Variants in LHPP observed in about 807,000 individuals in gnomAD.
LHPP encodes hLHPP.
Under a neutral mutation model 30.3 loss-of-function variants are expected in LHPP, and 24 were observed. The ratio of observed to expected loss-of-function variants is 0.79; its 90% CI spans 0.57 to 1.11. The LOEUF is 1.11. Among genes scored for constraint, LHPP ranks in the 50% most tolerant of loss-of-function variants. LHPP has a pLI of 0.00. For missense variants in LHPP, 356 were observed against 367.2 expected, an observed-to-expected ratio of 0.97 and a Z score of 0.25; for synonymous variants, 150 against 157.1, an observed-to-expected ratio of 0.95 and a Z score of 0.34.
intron 6 of LHPP, among the ~76,000 whole-genome samples, chr10:124,583,242 C>T (rs948454589): frequency 6.6e-6 from 1 of 152,144 alleles, no homozygotes; most frequent in Non-Finnish European, 1.5e-5. Flanking sequence ...TGTAGATTTA[C>T]CCCTGTGTTT....
intron 5 of LHPP, among the ~76,000 whole-genome samples, chr10:124,511,845 C>T (rs1442816938): frequency 6.6e-6 from 1 of 152,176 alleles, no homozygotes; most frequent in Non-Finnish European, 1.5e-5. Context: ...CACAGCATGG[C>T]GTGCCCTGGT....
At chr10:124,575,453 A>G (rs1329677740) in intron 6 of LHPP, among the ~76,000 whole-genome samples, 1 of 152,186 alleles carries the variant, frequency 6.6e-6, no homozygotes, top group African/African-American at 2.4e-5. Context: ...TGCCTGAGGC[A>G]GAAGCACCCG....
intron 6 of LHPP, among the ~76,000 whole-genome samples, chr10:124,565,258 T>G (rs1479969054): frequency 6.6e-6 from 1 of 152,064 alleles, no homozygotes; most frequent in Non-Finnish European, 1.5e-5. Flanking sequence ...TTGGTTGCAG[T>G]AGGGGGTTTT....
At chr10:124,470,800 G>T (rs1166099261) in intron 1 of LHPP, among the ~76,000 whole-genome samples, 1 of 152,134 alleles carries the variant, frequency 6.6e-6, no homozygotes, top group Non-Finnish European at 1.5e-5. Context: ...TAGGGAGAGG[G>T]CCATTTGTTT....
chr10:124,601,535 G>A (rs1382975745), intron 6 of LHPP, among the ~76,000 whole-genome samples: 3 of 152,312 alleles, frequency 2.0e-5, no homozygotes, highest in East Asian at 3.9e-4. Context: ...GCTGGTGGGC[G>A]GCCAAGCGTC....
chr10:124,529,809 ACACG>A (rs1424983666), intron 6 of LHPP, among the ~76,000 whole-genome samples: 1 of 128,914 alleles, frequency 7.8e-6, no homozygotes, highest in African/African-American at 2.5e-5. Flanking sequence ...ACACACACAC[ACACG>A]CACACACACA....
chr10:124,613,149 G>A (rs545597390), intron 6 of LHPP, 115 bp from the exon 7 acceptor site: 10 of 813,724 alleles, frequency 1.2e-5, no homozygotes, highest in Non-Finnish European at 1.9e-5. Context: ...TGCCTGGCAG[G>A]ACCTGGAGGT....
At chr10:124,511,797 A>T (rs530050211) in intron 5 of LHPP, among the ~76,000 whole-genome samples, 24 of 152,314 alleles carry the variant, frequency 1.6e-4, no homozygotes, top group African/African-American at 5.5e-4. Flanking sequence ...TTCCCAGGAC[A>T]GTTGCTTCAG....
intron 6 of LHPP, among the ~76,000 whole-genome samples, chr10:124,603,918 C>G (rs1194458280): frequency 1.3e-5 from 2 of 152,308 alleles, no homozygotes; most frequent in Non-Finnish European, 2.9e-5. Flanking sequence ...GAGCCTGTGT[C>G]CCCCAGGCAG....
At chr10:124,577,761 CA>C (rs1948687813) in intron 6 of LHPP, among the ~76,000 whole-genome samples, 1 of 152,150 alleles carries the variant, frequency 6.6e-6, no homozygotes, top group Non-Finnish European at 1.5e-5. Context: ...TATCCCTCCC[CA>C]GGGGAAGGCC....
chr10:124,599,809 C>G (rs1047355256), intron 6 of LHPP, among the ~76,000 whole-genome samples: 6 of 152,240 alleles, frequency 3.9e-5, no homozygotes, highest in Non-Finnish European at 7.3e-5. Flanking sequence ...GCTCTGTGGA[C>G]AGAGCCATCC....
chr10:124,569,407 G>A (rs939093885), intron 6 of LHPP, among the ~76,000 whole-genome samples: 1 of 152,228 alleles, frequency 6.6e-6, no homozygotes, highest in African/African-American at 2.4e-5. Flanking sequence ...TCTCTTCCAG[G>A]CATTGCTGCA....
chr10:124,574,257 G>A (rs939215371), intron 6 of LHPP, among the ~76,000 whole-genome samples: 2 of 152,262 alleles, frequency 1.3e-5, no homozygotes, highest in African/African-American at 4.8e-5. Context: ...CAAACAGGCA[G>A]CGTGGCGCTG....
chr10:124,499,483 A>C (rs1193229022), intron 5 of LHPP, among the ~76,000 whole-genome samples: 1 of 149,826 alleles, frequency 6.7e-6, no homozygotes, highest in East Asian at 1.9e-4. Context: ...ATCTCTACTA[A>C]AAATACAGAA....
At chr10:124,514,991 A>G (rs1954410274) in intron 5 of LHPP, among the ~76,000 whole-genome samples, 1 of 151,896 alleles carries the variant, frequency 6.6e-6, no homozygotes, top group South Asian at 2.1e-4. Context: ...TTATAGAGAC[A>G]GGGTCTTGCG....
intron 6 of LHPP, among the ~76,000 whole-genome samples, chr10:124,606,505 C>T (rs561367754): frequency 5.5e-4 from 84 of 152,260 alleles, no homozygotes; most frequent in African/African-American, 2.0e-3. Context: ...GCAGGGCCAG[C>T]GCCAGGGTGA....
chr10:124,477,286 G>A (rs1326875007), intron 1 of LHPP, among the ~76,000 whole-genome samples: 4 of 152,170 alleles, frequency 2.6e-5, no homozygotes, highest in South Asian at 2.1e-4. Flanking sequence ...TACAACCCCC[G>A]GGGAAGGGGG....
chr10:124,472,395 C>T (rs1340911690), intron 1 of LHPP, among the ~76,000 whole-genome samples: 2 of 152,102 alleles, frequency 1.3e-5, no homozygotes, highest in East Asian at 3.9e-4. Flanking sequence ...TGGAAGCGAG[C>T]TTATTAGGAG....
intron 4 of LHPP, 101 bp downstream of exon 4, chr10:124,497,125 A>G: frequency 1.0e-6 from 1 of 973,850 alleles, no homozygotes; most frequent in Non-Finnish European, 1.6e-6. Context: ...TAACGTACAA[A>G]TGGCCTTTTG....
Sources: gnomAD v4.1 joint callset for allele counts (sites outside exome capture counted in the v4.1 genomes callset) on GRCh38, gnomAD v4.1.1 for gene constraint, MANE v1.5 for transcripts, NCBI Gene and HGNC (gene_info 2026-07-23, HGNC 2026-07-21) for gene names.